The following FARP2 variants were observed in gnomAD, a reference collection of about 807,000 sequenced individuals.
The protein encoded by FARP2 is FERM, ARHGEF and pleckstrin domain-containing protein 2.
In FARP2, 111 loss-of-function variants were observed where a neutral mutation model predicts 130.5. The observed-to-expected ratio is 0.85, with a 90% CI of 0.73 to 1.00. The LOEUF is 1.00. FARP2 is among the 50% of genes least tolerant of loss of function. FARP2 has a pLI of 0.00. For synonymous variants in FARP2, 504 were observed against 516.9 expected, an observed-to-expected ratio of 0.98 and a Z score of 0.34; for missense variants, 1,385 against 1,346.3, an observed-to-expected ratio of 1.03 and a Z score of -0.45.
At chr2:241,448,241 G>A (rs1430396867) in intron 13 of FARP2, among the ~76,000 whole-genome samples, 1 of 151,964 alleles carries the variant, frequency 6.6e-6, no homozygotes, top group Non-Finnish European at 1.5e-5. Flanking sequence ...CTGGTCCTGG[G>A]GCCACCCCTG....
At chr2:241,370,932 T>C (rs556775260) in intron 1 of FARP2, among the ~76,000 whole-genome samples, 1 of 152,328 alleles carries the variant, frequency 6.6e-6, no homozygotes, top group South Asian at 2.1e-4. Context: ...GTGCCAAACG[T>C]GCAGCTCAGG....
intron 24 of FARP2, among the ~76,000 whole-genome samples, chr2:241,492,315 G>A (rs1027742526): frequency 1.6e-4 from 24 of 152,336 alleles, no homozygotes; most frequent in Admixed American, 1.0e-3. Flanking sequence ...TCAGGGTGCA[G>A]CAGGTCCCTG....
At chr2:241,448,093 G>T in intron 13 of FARP2, among the ~76,000 whole-genome samples, 1 of 152,140 alleles carries the variant, frequency 6.6e-6, no homozygotes, top group East Asian at 1.9e-4. Context: ...AAAGGCACTT[G>T]TCAGAACAAA....
chr2:241,453,538 C>T (rs1243083915), intron 13 of FARP2, among the ~76,000 whole-genome samples: 16 of 151,370 alleles, frequency 1.1e-4, no homozygotes, highest in Admixed American at 7.9e-4. Flanking sequence ...AGGAGAATGG[C>T]ATGAACCTGG....
intron 19 of FARP2, chr2:241,478,362 C>T (rs1032239227): frequency 2.1e-5 from 4 of 191,832 alleles, no homozygotes; most frequent in South Asian, 1.0e-4. Flanking sequence ...GCAGGGCTGG[C>T]GGGGGCGACC....
At chr2:241,434,072 C>G in intron 9 of FARP2, 86 bp from the exon 10 acceptor site, 1 of 1,027,396 alleles carries the variant, frequency 9.7e-7, no homozygotes, top group South Asian at 1.7e-5. Context: ...TTGGAATTCC[C>G]TATCGTGTGA....
chr2:241,365,213 TAAATC>T (rs1381884293), intron 1 of FARP2, among the ~76,000 whole-genome samples: 3 of 152,214 alleles, frequency 2.0e-5, no homozygotes, highest in Admixed American at 6.5e-5. Flanking sequence ...GAGAAAATAA[TAAATC>T]AAAGCCCATG....
intron 6 of FARP2, among the ~76,000 whole-genome samples, chr2:241,412,274 C>A (rs181738783): frequency 2.0e-5 from 3 of 152,284 alleles, no homozygotes; most frequent in African/African-American, 7.2e-5. Context: ...CGGAAAAGAT[C>A]CGCCCCCATG....
rs2062539576 is a variant in FARP2 at position 241,412,249 on chromosome 2, A to G, written c.509-1058A>G. ...CATCAGATCTCATGAAAGTCTCACT[A>G]TTACAAGAACAGCACGGAAAAGATC... On this transcript the variant is annotated intron_variant, in intron 6 of 26. Coordinates refer to ENST00000264042, the MANE Select transcript of FARP2 (RefSeq NM_014808.4). 2.0e-5 allele frequency among the ~76,000 whole-genome samples: 3 copies of G among 152,294 alleles called. 1 individual carries two copies. In the South Asian group the frequency reaches 6.2e-4, roughly 32 times the overall value.
intron 2 of FARP2, among the ~76,000 whole-genome samples, chr2:241,391,665 A>T (rs957961931): frequency 6.6e-6 from 1 of 152,126 alleles, no homozygotes; most frequent in Non-Finnish European, 1.5e-5. Flanking sequence ...ACCTCCATTT[A>T]ATGACTCTTC....
intron 2 of FARP2, among the ~76,000 whole-genome samples, chr2:241,402,880 A>G (rs10933557): frequency 1.0e-4 from 1 of 9,738 alleles, no homozygotes; most frequent in Non-Finnish European, 1.6e-4. Flanking sequence ...ATATATATAT[A>G]TTTTTTTTTT....
intron 21 of FARP2, chr2:241,488,915 G>T (rs569468554): frequency 2.6e-5 from 4 of 152,296 alleles, no homozygotes; most frequent in African/African-American, 9.6e-5. Flanking sequence ...ACTGTTTGGT[G>T]AACACATTCC....
At chr2:241,429,370 G>C (rs1321215842) in intron 8 of FARP2, among the ~76,000 whole-genome samples, 1 of 152,162 alleles carries the variant, frequency 6.6e-6, no homozygotes, top group African/African-American at 2.4e-5. Flanking sequence ...TCATGACCTT[G>C]ACATTTTGGA....
At chr2:241,371,947 A>G (rs186386575) in intron 1 of FARP2, among the ~76,000 whole-genome samples, 6 of 152,234 alleles carry the variant, frequency 3.9e-5, no homozygotes, top group Admixed American at 2.6e-4. Flanking sequence ...AAAAACAATG[A>G]AGACACATTT....
intron 18 of FARP2, among the ~76,000 whole-genome samples, chr2:241,469,451 G>A (rs1023490426): frequency 6.6e-6 from 1 of 152,108 alleles, no homozygotes; most frequent in African/African-American, 2.4e-5. Context: ...ATTTCCTCTA[G>A]CTGGTTTCCC....
rs781247968 is a variant in FARP2 at position 241,475,895 on chromosome 2, C to T, written c.2170C>T (p.Gln724Ter). 3.7e-6 allele frequency: 6 copies of T among 1,613,854 alleles called. No homozygotes were observed. Among genetic ancestry groups the T allele is most frequent in the Non-Finnish European group, 5.1e-6 (6 of 1,179,908 alleles). ...CATCACAGAGGTGACCACCACACTA[C>T]AGCACATTCTCATCCGGCTGGAGAA... ...KAITEVTTTL[Q>*]HILIRLENLQ... Residue 724 changes from glutamine to a stop codon, truncating the protein, a stop_gained, in exon 19 of 27, where the codon CAG (glutamine) becomes TAG (stop). Transcript: ENST00000264042. LOFTEE classifies it high-confidence loss of function. This position sits in a 1 kb window ranked among gnomAD's most constrained non-coding sequence, Gnocchi z 4.4.
chr2:241,363,563 C>G (rs1417790702), intron 1 of FARP2, among the ~76,000 whole-genome samples: 1 of 152,232 alleles, frequency 6.6e-6, no homozygotes, highest in Non-Finnish European at 1.5e-5. Context: ...CAACACTGAG[C>G]TATGCACGCG....
intron 14 of FARP2, among the ~76,000 whole-genome samples, chr2:241,461,524 C>CT (rs1490222156): frequency 1.3e-5 from 2 of 152,254 alleles, no homozygotes; most frequent in Non-Finnish European, 2.9e-5. Context: ...CCGGTCTGCT[C>CT]TGAGTGAGGC....
intron 2 of FARP2, among the ~76,000 whole-genome samples, chr2:241,387,803 A>G (rs76342332): frequency 0.083 from 12,563 of 151,644 alleles, 549 homozygotes; most frequent in Middle Eastern, 0.15. Flanking sequence ...AAAAAAAAAA[A>G]AAAAAAGAAA....
Sources: gnomAD v4.1 joint callset for allele counts (sites outside exome capture counted in the v4.1 genomes callset) on GRCh38, gnomAD v4.1.1 for gene constraint, Gnocchi (gnomAD v3.1) non-coding constraint, MANE v1.5 for transcripts, NCBI Gene and HGNC (gene_info 2026-07-23, HGNC 2026-07-21) for gene names.